The following FMNL3 variants were observed in gnomAD, a reference collection of about 807,000 sequenced individuals.
FMNL3 encodes the protein formin like 3.
In FMNL3, 57 loss-of-function variants were observed where a neutral mutation model predicts 119.6. That is an observed-to-expected ratio of 0.48 (90% CI 0.39 to 0.59). The LOEUF (loss-of-function observed/expected upper bound fraction) is 0.59, where lower values mean the gene tolerates loss of function less well. Ranked by LOEUF, FMNL3 falls within the 20% of genes least tolerant of loss-of-function variation. The pLI, the probability that FMNL3 is intolerant of heterozygous loss-of-function variation, is 0.00. For synonymous variants in FMNL3, 491 were observed against 507.3 expected (o/e 0.97, Z 0.43); for missense variants, 1,053 against 1,323.5 (o/e 0.80, Z 3.17).
In FMNL3 at chr12:49,642,079, A is replaced by G. The variant is rs1565849875; in HGVS notation, c.*3736T>C. Reference sequence around the variant, plus strand: ...CTCTAATTCATCTGTGTCTTGCTCCATTCCTTCTCACTCACTGTCCCACTG... The same window carrying G: ...CTCTAATTCATCTGTGTCTTGCTCCGTTCCTTCTCACTCACTGTCCCACTG... On this transcript the variant is annotated 3_prime_UTR_variant, in exon 26 of 26. Transcript: ENST00000335154. This position sits in a 1 kb window ranked among gnomAD's most constrained non-coding sequence, Gnocchi z 5.8. The G allele has an allele frequency of 6.2e-7, 1 of 1,605,472 alleles. No homozygotes were observed. The highest frequency in any genetic ancestry group is 8.5e-7 in the Non-Finnish European group (1 of 1,174,908).
Position 49,645,815 on chromosome 12 carries a change from T to C in FMNL3, c.3084A>G (p.Ter1028TrpextTer55). The change falls in exon 26 of 26, where the codon TGA becomes TGG. Residue 1028 changes from the stop codon to tryptophan (W), a stop_lost. Transcript: ENST00000335154. The stretch of plus-strand genomic sequence containing the variant: ...AAGTGCTTCTGCCTCCGAGAGGGTC[T>C]CAGTGGGGGCCTGGAGCCCGAGGGG... ...SGPPRAPGPH[*>W] 6.3e-7 allele frequency: 1 copy of C among 1,598,452 alleles called. No individual in the cohort carries two copies. The highest frequency in any genetic ancestry group is 8.5e-7 in the Non-Finnish European group (1 of 1,175,124).
chr12:49,662,170 T>C (rs1355011437), intron 4 of FMNL3, 121 bp from the exon 5 acceptor site: 1 of 910,388 alleles, frequency 1.1e-6, no homozygotes, highest in Non-Finnish European at 1.8e-6. Flanking sequence ...CTAAGAAAAT[T>C]CTGAAGATCA....
In FMNL3 at chr12:49,648,365, A is replaced by AAGCCTGGCTGAGGAATGCCTAG. The variant is rs746047665; in HGVS notation, c.2516-34_2516-13dup. On this transcript the variant is annotated splice_polypyrimidine_tract_variant and intron_variant, in intron 21 of 25. Coordinates refer to ENST00000335154, the MANE Select transcript of FMNL3 (RefSeq NM_175736.5). ...GTTCTCCAGGGACACTGGTCACCAA[A>AAGCCTGGCTGAGGAATGCCTAG]AGCCTGGCTGAGGAATGCCTAGGGC... The AAGCCTGGCTGAGGAATGCCTAG allele has an allele frequency of 3.9e-5, 63 of 1,606,380 alleles. No individual in the cohort carries two copies. The highest frequency in any genetic ancestry group is 5.1e-5 in the Non-Finnish European group (60 of 1,175,134).
At chr12:49,661,092 G>A (rs1234525745) in intron 5 of FMNL3, among the ~76,000 whole-genome samples, 1 of 152,232 alleles carries the variant, frequency 6.6e-6, no homozygotes, top group Non-Finnish European at 1.5e-5. Flanking sequence ...TGTCTTAGGT[G>A]TAAGTCTAAA....
Position 49,642,341 on chromosome 12 carries a change from C to T in FMNL3, c.*3474G>A. 1 of 1,614,050 alleles carries T rather than the reference C, an allele frequency of 6.2e-7. No homozygotes were observed. Among genetic ancestry groups the T allele is most frequent in the Non-Finnish European group, 8.5e-7 (1 of 1,180,048 alleles). ...CGAAGCATGCTGAGGCAGGCTGTGC[C>T]TGCTCTGGAGCTAGGCACTGCCTGG... On this transcript the variant is annotated 3_prime_UTR_variant, in exon 26 of 26. Coordinates refer to ENST00000335154, the MANE Select transcript of FMNL3 (RefSeq NM_175736.5). The surrounding 1 kb of genome is among the most constrained non-coding windows in gnomAD (Gnocchi z 5.8).
chr12:49,662,105 G>A (rs1343018257), intron 4 of FMNL3, 56 bp from the exon 5 acceptor site: 5 of 1,537,946 alleles, frequency 3.3e-6, no homozygotes, highest in Non-Finnish European at 3.6e-6. Flanking sequence ...TCAAGGATGA[G>A]GGGGGTGACA....
rs933555184 is a variant in FMNL3, at chr12:49,643,588, G to C, written c.*2227C>G. 1.4e-6 allele frequency: 2 copies of C among 1,404,928 alleles called. No individual in the cohort carries two copies. The highest frequency in any genetic ancestry group is 4.7e-5 in the East Asian group (2 of 42,620). 87.0% of individuals were successfully genotyped at this position (1,404,928 alleles called of 1,614,324 possible). Reference sequence around the variant, plus strand: ...AAAACTGGACTTAGACTTCCTCAGAGCATGAGGTTCCTGCCTGTGAAGAAT... The same window carrying C: ...AAAACTGGACTTAGACTTCCTCAGACCATGAGGTTCCTGCCTGTGAAGAAT... On this transcript the variant is annotated 3_prime_UTR_variant, in exon 26 of 26. Coordinates refer to ENST00000335154, the MANE Select transcript of FMNL3 (RefSeq NM_175736.5).
intron 1 of FMNL3, among the ~76,000 whole-genome samples, chr12:49,678,276 G>A (rs1592677587): frequency 2.0e-5 from 3 of 152,194 alleles, no homozygotes; most frequent in Middle Eastern, 6.8e-3. Context: ...TCCTGCCTCA[G>A]CCTCCCAGGG....
chr12:49,691,935 T>C (rs1944614371), intron 1 of FMNL3, among the ~76,000 whole-genome samples: 1 of 146,360 alleles, frequency 6.8e-6, no homozygotes, highest in Non-Finnish European at 1.5e-5. Context: ...CTCGGAAGGC[T>C]GAGGCAGGAG....
chr12:49,657,739 T>A (rs1224842446), intron 6 of FMNL3, among the ~76,000 whole-genome samples: 1 of 152,024 alleles, frequency 6.6e-6, no homozygotes, highest in Non-Finnish European at 1.5e-5. Flanking sequence ...TGCTCATCCA[T>A]GACAAGAATA....
In FMNL3 at chr12:49,651,057, C is replaced by G. The variant is rs1943383047; in HGVS notation, c.1797+111G>C. 4 of 1,526,462 alleles carry G rather than the reference C, an allele frequency of 2.6e-6. No homozygotes were observed. The Admixed American group carries it at 7.3e-5, about 28-fold the overall frequency. The allele number at this position is 1,526,462 out of a possible 1,614,324, so 94.6% of individuals were successfully genotyped here. A position where few individuals can be genotyped will look rare whatever the true frequency, so the allele number is the denominator to read the frequency against. On this transcript the variant is annotated intron_variant, in intron 16 of 25. Coordinates refer to ENST00000335154, the MANE Select transcript of FMNL3 (RefSeq NM_175736.5). ...ACTCAAGAATGAAGGGTTGGTGGAG[C>G]TAAGCCTGGCCTCACCCTGTCTGAT...
chr12:49,645,571 C>T lies in FMNL3; in HGVS notation c.*244G>A, dbSNP rs1943147494. The T allele has an allele frequency of 6.1e-6, 3 of 488,492 alleles. No homozygotes were observed. Among genetic ancestry groups the T allele is most frequent in the Non-Finnish European group, 1.1e-5 (3 of 279,246 alleles). 30.3% of individuals were successfully genotyped at this position (488,492 alleles called of 1,614,324 possible). A position where few individuals can be genotyped will look rare whatever the true frequency, so the allele number is the denominator to read the frequency against. On this transcript the variant is annotated 3_prime_UTR_variant, in exon 26 of 26. Transcript: ENST00000335154. ...TGGTTTTTCCTAGCCCTGAGCTGAC[C>T]CTTGGTGACCCTTCAGGAAATGAAG...
rs1943274087 is a variant in FMNL3 at position 49,648,218 on chromosome 12, A to G, written c.2651T>C (p.Leu884Pro). ...LSTNEGKLDK[L>P]QRDAKTAEEA... Reference sequence around the variant, plus strand: ...CTCAGCCGTCTTGGCGTCCCGCTGGAGCTTGTCTAGTTTGCCTTCATTGGT... The same window carrying G: ...CTCAGCCGTCTTGGCGTCCCGCTGGGGCTTGTCTAGTTTGCCTTCATTGGT... The change falls in exon 22 of 26, where the codon CTC becomes CCC. Residue 884 changes from leucine to proline, a missense_variant. Transcript: ENST00000335154. The G allele has an allele frequency of 6.2e-7, 1 of 1,613,376 alleles. No homozygotes were observed. Among genetic ancestry groups the G allele is most frequent in the Non-Finnish European group, 8.5e-7 (1 of 1,179,794 alleles).
chr12:49,680,031 T>C (rs1473620971), intron 1 of FMNL3, among the ~76,000 whole-genome samples: 1 of 152,256 alleles, frequency 6.6e-6, no homozygotes, highest in Admixed American at 6.5e-5. Context: ...TTATATTATT[T>C]CCTGAACTAG....
intron 1 of FMNL3, among the ~76,000 whole-genome samples, chr12:49,682,378 A>AT (rs999606240): frequency 2.0e-5 from 3 of 151,600 alleles, no homozygotes; most frequent in Non-Finnish European, 2.9e-5. Context: ...CCCTCATACT[A>AT]TTTTTTTTGA....
In FMNL3 at chr12:49,657,031, G is replaced by A. The variant is rs374602967; in HGVS notation, c.714+51C>T. 4.3e-5 allele frequency: 68 copies of A among 1,575,990 alleles called. No individual in the cohort carries two copies. In the African/African-American group the frequency reaches 7.8e-4, roughly 18 times the overall value. ...ATGCCCTCCTAGCTCTCCTGGTTTTGCAGATGAGGCAGAAGAAGTAGAGCA... is the reference window on the plus strand; with the variant it reads ...ATGCCCTCCTAGCTCTCCTGGTTTTACAGATGAGGCAGAAGAAGTAGAGCA... On this transcript the variant is annotated intron_variant, in intron 7 of 25. Transcript: ENST00000335154.
Position 49,647,417 on chromosome 12 carries a change from G to C in FMNL3, c.2779-49C>G, listed in dbSNP as rs749642854. On this transcript the variant is annotated intron_variant, in intron 23 of 25. Transcript: ENST00000335154. The surrounding 1 kb of genome is among the most constrained non-coding windows in gnomAD (Gnocchi z 4.9). ...GTGGGGAGTGAGGCTCATAGGCTGTGAGGGGAGGGGCTGACACTGAGGTGG... is the reference window on the plus strand; with the variant it reads ...GTGGGGAGTGAGGCTCATAGGCTGTCAGGGGAGGGGCTGACACTGAGGTGG... 5.7e-6 allele frequency: 9 copies of C among 1,581,924 alleles called. No individual in the cohort carries two copies. Among genetic ancestry groups the C allele is most frequent in the Non-Finnish European group, 7.8e-6 (9 of 1,159,056 alleles).
intron 1 of FMNL3, among the ~76,000 whole-genome samples, chr12:49,691,717 G>A (rs1592691293): frequency 6.6e-6 from 1 of 151,698 alleles, no homozygotes; most frequent in East Asian, 1.9e-4. Flanking sequence ...AGTAAGAGAG[G>A]AGCCTTTTTT....
chr12:49,665,770 C>T, intron 4 of FMNL3, 62 bp downstream of exon 4: 2 of 1,537,826 alleles, frequency 1.3e-6, no homozygotes, highest in Middle Eastern at 3.4e-4. Context: ...GACACCAGAC[C>T]CTGTGTGCCC....
Sources: gnomAD v4.1 joint callset for allele counts (sites outside exome capture counted in the v4.1 genomes callset) on GRCh38, gnomAD v4.1.1 for gene constraint, Gnocchi (gnomAD v3.1) non-coding constraint, MANE v1.5 for transcripts, NCBI Gene and HGNC (gene_info 2026-07-23, HGNC 2026-07-21) for gene names.